The following PLCB4 variants were observed in gnomAD, a reference collection of about 807,000 sequenced individuals.
PLCB4 encodes the protein phospholipase C beta 4.
A neutral mutation model predicts 178.8 loss-of-function variants in PLCB4; 77 were observed. The observed-to-expected ratio is 0.43, with a 90% CI of 0.36 to 0.52. The LOEUF (loss-of-function observed/expected upper bound fraction) is 0.52, where lower values mean the gene tolerates loss of function less well. PLCB4 is among the 20% of genes least tolerant of loss of function. The pLI is 0.00. For missense variants in PLCB4, 1,024 were observed against 1,453.4 expected (o/e 0.70, Z 4.80); for synonymous variants, 496 against 490.8 (o/e 1.01, Z -0.14).
At chr20:9,173,584 A>G (rs2093101969) in intron 2 of PLCB4, among the ~76,000 whole-genome samples, 1 of 152,138 alleles carries the variant, frequency 6.6e-6, no homozygotes, top group African/African-American at 2.4e-5. Context: ...GAGATAATGT[A>G]TTCCTTGCCT....
chr20:9,365,138 A>G (rs764170495), intron 8 of PLCB4, among the ~76,000 whole-genome samples: 1 of 152,256 alleles, frequency 6.6e-6, no homozygotes, highest in Non-Finnish European at 1.5e-5. Flanking sequence ...GTTGCCAGAT[A>G]AAATAGAGGA....
intron 2 of PLCB4, among the ~76,000 whole-genome samples, chr20:9,115,725 T>G (rs913349991): frequency 6.6e-6 from 1 of 151,976 alleles, no homozygotes; most frequent in Non-Finnish European, 1.5e-5. Flanking sequence ...GTAATTAATA[T>G]GAATTTATTC....
At chr20:9,144,771 A>C (rs2092566487) in intron 2 of PLCB4, among the ~76,000 whole-genome samples, 9 of 63,188 alleles carry the variant, frequency 1.4e-4, no homozygotes, top group East Asian at 1.2e-3. Flanking sequence ...AAGGAGGGGA[A>C]TGAGGGGGAG....
intron 4 of PLCB4, among the ~76,000 whole-genome samples, chr20:9,326,016 A>ACGGTGGGTGAAAGGGGCAGC (rs1306908479): frequency 2.6e-5 from 4 of 151,822 alleles, no homozygotes; most frequent in African/African-American, 4.9e-5. Flanking sequence ...GTGTCTTCAC[A>ACGGTGGGTGAAAGGGGCAGC]CGGTGGGTGA....
In PLCB4 at chr20:9,438,795, T is replaced by C. The variant is rs1230053699; in HGVS notation, c.2764+1643T>C. Among the ~76,000 whole-genome samples, 4 of 152,070 alleles carry C rather than the reference T, an allele frequency of 2.6e-5. No homozygotes were observed. In the East Asian group the frequency reaches 5.8e-4, roughly 22 times the overall value. ...AAAATTATAGTTGAACCAGGGGTGA[T>C]TGGATGATGAAGGTAGAAACATGGT... is the stretch of plus-strand genomic sequence containing the variant. On this transcript the variant is annotated intron_variant, in intron 30 of 39. Coordinates refer to ENST00000378473, the MANE Select transcript of PLCB4 (RefSeq NM_001377142.1).
intron 17 of PLCB4, among the ~76,000 whole-genome samples, chr20:9,392,644 A>G (rs1342070538): frequency 6.6e-6 from 1 of 152,146 alleles, no homozygotes; most frequent in African/African-American, 2.4e-5. Flanking sequence ...AGAGCTTTCA[A>G]CCTTGGGAGT....
At chr20:9,218,197 G>C (rs2093754760) in intron 3 of PLCB4, among the ~76,000 whole-genome samples, 1 of 152,112 alleles carries the variant, frequency 6.6e-6, no homozygotes. Flanking sequence ...TGCAACCTCT[G>C]CCTCCTGGGT....
intron 2 of PLCB4, among the ~76,000 whole-genome samples, chr20:9,205,813 C>A (rs986290484): frequency 6.6e-6 from 1 of 152,182 alleles, no homozygotes; most frequent in African/African-American, 2.4e-5. Context: ...TTAATCTGTT[C>A]TTTACCTATA....
At chr20:9,434,080 G>A (rs907082555) in intron 28 of PLCB4, among the ~76,000 whole-genome samples, 1 of 152,112 alleles carries the variant, frequency 6.6e-6, no homozygotes, top group African/African-American at 2.4e-5. Flanking sequence ...CTACCAATAG[G>A]AACTGGTTAA....
At chr20:9,373,700 T>C (rs1282521448) in intron 12 of PLCB4, among the ~76,000 whole-genome samples, 3 of 152,200 alleles carry the variant, frequency 2.0e-5, no homozygotes, top group Non-Finnish European at 4.4e-5. Flanking sequence ...TATAACAAGC[T>C]CAGAGCTAAT....
rs6039409 is a variant in PLCB4 at position 9,196,164 on chromosome 20, A to G, written c.-78-21226A>G. Among the ~76,000 whole-genome samples, 837 of 152,284 alleles carry G rather than the reference A, an allele frequency of 5.5e-3. 10 individuals are homozygous for G. Among genetic ancestry groups the G allele is most frequent in the African/African-American group, 0.019 (802 of 41,560 alleles). On this transcript the variant is annotated intron_variant, in intron 2 of 39. Coordinates refer to ENST00000378473, the MANE Select transcript of PLCB4 (RefSeq NM_001377142.1). ...ACTCTTTTCTCCTTAGCAACAGTCT[A>G]TGTGTGGGGAGCAGAAGCTTGTTAT...
intron 2 of PLCB4, among the ~76,000 whole-genome samples, chr20:9,132,720 C>T (rs2092300582): frequency 6.6e-6 from 1 of 152,172 alleles, no homozygotes; most frequent in African/African-American, 2.4e-5. Flanking sequence ...TCATTCTCTA[C>T]ATTGCAATCA....
In PLCB4 at chr20:9,098,626, A is replaced by G. The variant is rs570870537; in HGVS notation, c.-79+2284A>G. Among the ~76,000 whole-genome samples, 3 of 151,176 alleles carry G rather than the reference A, an allele frequency of 2.0e-5. No homozygotes were observed. The South Asian group carries it at 6.3e-4, about 32-fold the overall frequency. ...TCTCATGTGTTAAATAGTCTCATAT[A>G]TATATACACATATATATACGTATAT... On this transcript the variant is annotated intron_variant, in intron 2 of 39. Coordinates refer to ENST00000378473, the MANE Select transcript of PLCB4 (RefSeq NM_001377142.1).
At chr20:9,148,124 C>G (rs972291662) in intron 2 of PLCB4, among the ~76,000 whole-genome samples, 9 of 152,106 alleles carry the variant, frequency 5.9e-5, no homozygotes, top group Non-Finnish European at 8.8e-5. Context: ...TTGTGGACAT[C>G]ATCTAGTTCT....
At chr20:9,191,909 C>T (rs1312755836) in intron 2 of PLCB4, among the ~76,000 whole-genome samples, 3 of 150,034 alleles carry the variant, frequency 2.0e-5, no homozygotes, top group Non-Finnish European at 4.4e-5. Context: ...TATACACATC[C>T]TTAGAGCTTA....
In PLCB4 at chr20:9,393,981, C is replaced by G. The variant is rs548351071; in HGVS notation, c.1414+303C>G. Among the ~76,000 whole-genome samples, 7 of 152,296 alleles carry G rather than the reference C, an allele frequency of 4.6e-5. No homozygotes were observed. The South Asian group carries it at 1.5e-3, about 32-fold the overall frequency. ...AATTTCTCAAGATATAAGGAACCAG[C>G]ATTTTATAATTTTATACACTCTAAA... On this transcript the variant is annotated intron_variant, in intron 18 of 39. Coordinates refer to ENST00000378473, the MANE Select transcript of PLCB4 (RefSeq NM_001377142.1).
At chr20:9,264,549 A>G (rs539906611) in intron 3 of PLCB4, among the ~76,000 whole-genome samples, 5 of 152,314 alleles carry the variant, frequency 3.3e-5, no homozygotes, top group South Asian at 2.1e-4. Context: ...GTAGAAATGT[A>G]TAGTTTCACT....
intron 14 of PLCB4, 25 bp downstream of exon 14, chr20:9,384,436 G>T: frequency 6.6e-7 from 1 of 1,523,330 alleles, no homozygotes; most frequent in Non-Finnish European, 9.1e-7. Flanking sequence ...ATGGCAATTT[G>T]TTTTTTGTGT....
At chr20:9,449,358 C>T (rs901355942) in intron 32 of PLCB4, among the ~76,000 whole-genome samples, 2 of 151,900 alleles carry the variant, frequency 1.3e-5, no homozygotes, top group African/African-American at 4.8e-5. Context: ...AATTCAAATG[C>T]CTATGGGGTC....
Sources: allele counts gnomAD v4.1 joint callset (sites outside exome capture counted in the v4.1 genomes callset), GRCh38; gene constraint gnomAD v4.1.1; transcripts MANE v1.5; gene names NCBI Gene and HGNC (gene_info 2026-07-23, HGNC 2026-07-21).